PCDHGA3: variants seen among roughly 807,000 people sequenced by gnomAD.
The protein encoded by PCDHGA3 is protocadherin gamma subfamily A, 3.
PCDHGA3 carries 40 observed loss-of-function variants against 58.5 expected under a neutral mutation model. That is an observed-to-expected ratio of 0.68 (90% CI 0.53 to 0.89). PCDHGA3 has a LOEUF of 0.89. Ranked by LOEUF, PCDHGA3 falls within the 40% of genes least tolerant of loss-of-function variation. PCDHGA3 has a pLI of 0.00. For missense variants in PCDHGA3, 1,223 were observed against 1,195.9 expected (o/e 1.02, Z -0.33); for synonymous variants, 530 against 525.7 (o/e 1.01, Z -0.11).
intron 1 of PCDHGA3, chr5:141,385,485 A>T: frequency 2.8e-6 from 4 of 1,418,146 alleles, no homozygotes; most frequent in Non-Finnish European, 3.7e-6. Flanking sequence ...AATATAGAAC[A>T]CATAGGATAT....
chr5:141,496,747 A>T (rs13188028), intron 2 of PCDHGA3, among the ~76,000 whole-genome samples: 1 of 152,124 alleles, frequency 6.6e-6, no homozygotes, highest in Non-Finnish European at 1.5e-5. Context: ...CATTTATTCA[A>T]CAAATATTTA....
rs545147450 is a variant in PCDHGA3 at position 141,380,989 on chromosome 5, A to C, written c.2424+34532A>C. On this transcript the variant is annotated intron_variant, in intron 1 of 3. Transcript: ENST00000253812. ...TATTAAACAAATAGAATTTAACTCC[A>C]GTTTACAGAATTCATCTATAATACC... is the stretch of plus-strand genomic sequence containing the variant. Among the ~76,000 whole-genome samples, 4 of 152,258 alleles carry C rather than the reference A, an allele frequency of 2.6e-5. No homozygotes were observed. In the South Asian group the frequency reaches 8.3e-4, roughly 32 times the overall value.
rs766638463 is a variant in PCDHGA3 at position 141,476,525 on chromosome 5, A to G, written c.2425-18282A>G. ...CAACGACAACAATCCTGCTTTCCCT[A>G]CCCAGGAAATGAAATTGGAGATTAG... On this transcript the variant is annotated intron_variant, in intron 1 of 3. Transcript: ENST00000253812. This position sits in a 1 kb window ranked among gnomAD's most constrained non-coding sequence, Gnocchi z 7.6. 6 of 1,613,950 alleles carry G rather than the reference A, an allele frequency of 3.7e-6. No homozygotes were observed. The African/African-American group carries it at 6.7e-5, about 18-fold the overall frequency.
At chr5:141,364,988 C>A (rs1479313119) in intron 1 of PCDHGA3, 10 of 1,613,892 alleles carry the variant, frequency 6.2e-6, no homozygotes, top group East Asian at 4.5e-5. Context: ...TGGCGGAGAC[C>A]CGGTACTCTC....
At position 141,362,242 on chromosome 5, in the gene PCDHGA3, T is replaced by C. The variant is rs759010180; in HGVS notation, c.2424+15785T>C. 12 of 1,613,924 alleles carry C rather than the reference T, an allele frequency of 7.4e-6. No homozygotes were observed. The South Asian group carries it at 8.8e-5, about 12-fold the overall frequency. On this transcript the variant is annotated intron_variant, in intron 1 of 3. Transcript: ENST00000253812. ...GGCCTTGGCCTTGATCTCAGTGCTC[T>C]TCTTCCTCGCGGTGATTCTGGCAAT... is the stretch of plus-strand genomic sequence containing the variant.
rs2099606506 is a variant in PCDHGA3 at position 141,485,072 on chromosome 5, G to A, written c.2425-9735G>A. ...CCGGCCGAACCGCGCCAGAGCTGGC[G>A]CGGGGAAAGGGAGATAGGTGTCTCC... On this transcript the variant is annotated intron_variant, in intron 1 of 3. Transcript: ENST00000253812. This position sits in a 1 kb window ranked among gnomAD's most constrained non-coding sequence, Gnocchi z 5.7. 2 of 916,892 alleles carry A rather than the reference G, an allele frequency of 2.2e-6. No homozygotes were observed. The highest frequency in any genetic ancestry group is 3.4e-6 in the Non-Finnish European group (2 of 587,886). The allele number at this position is 916,892 out of a possible 1,614,324, so 56.8% of individuals were successfully genotyped here.
Position 141,427,553 on chromosome 5 carries a change from TG to T in PCDHGA3, c.2425-67253del, listed in dbSNP as rs201716174. ...AGTACAACGTCACCATCACTGCCAC[TG>T]ACAAGGGCAAGCCTCCGCTCTCATC... On this transcript the variant is annotated intron_variant, in intron 1 of 3. Transcript: ENST00000253812. 2.7e-3 allele frequency: 1,760 copies of T among 646,124 alleles called. 23 individuals are homozygous for T. In the African/African-American group the frequency reaches 0.028, roughly 10 times the overall value. 40.0% of individuals were successfully genotyped at this position (646,124 alleles called of 1,614,324 possible).
chr5:141,441,789 A>G (rs889545483), intron 1 of PCDHGA3: 4 of 391,886 alleles, frequency 1.0e-5, no homozygotes, highest in Middle Eastern at 6.4e-4. Context: ...CCTGAATGAC[A>G]ACGCACCGCG....
chr5:141,405,359 G>A, intron 1 of PCDHGA3: 2 of 1,614,018 alleles, frequency 1.2e-6, no homozygotes, highest in Non-Finnish European at 1.7e-6. Context: ...TCCTATAGAA[G>A]ACACCCCTTT....
At chr5:141,360,116 G>C (rs1286160130) in intron 1 of PCDHGA3, 1 of 1,570,542 alleles carries the variant, frequency 6.4e-7, no homozygotes, top group Non-Finnish European at 8.6e-7. Flanking sequence ...TATGGGCAAA[G>C]GAGCAAAGGG....
In PCDHGA3 at chr5:141,431,710, G is replaced by A. The variant is rs1249423969; in HGVS notation, c.2425-63097G>A. On this transcript the variant is annotated intron_variant, in intron 1 of 3. Coordinates refer to ENST00000253812, the MANE Select transcript of PCDHGA3 (RefSeq NM_018916.4). The surrounding 1 kb of genome is among the most constrained non-coding windows in gnomAD (Gnocchi z 4.8). ...ACGAGGAGTCAGGATTCTACCAGAT[G>A]GAAGTGCAAGCAATGGATAATGCAG... is the stretch of plus-strand genomic sequence containing the variant. 3.1e-6 allele frequency: 5 copies of A among 1,614,116 alleles called. No individual in the cohort carries two copies. Among genetic ancestry groups the A allele is most frequent in the South Asian group, 1.1e-5 (1 of 91,088 alleles).
intron 1 of PCDHGA3, chr5:141,385,153 A>T: frequency 6.2e-7 from 1 of 1,614,128 alleles, no homozygotes; most frequent in South Asian, 1.1e-5. Flanking sequence ...TTTCCTGCAG[A>T]CCTATTCCCA....
chr5:141,375,826 C>T (rs1771941269), intron 1 of PCDHGA3: 2 of 1,614,166 alleles, frequency 1.2e-6, no homozygotes, highest in South Asian at 1.1e-5. Context: ...CGCCCCGCTC[C>T]GCAGAGCCCG....
intron 1 of PCDHGA3, chr5:141,405,078 T>G: frequency 6.2e-7 from 1 of 1,613,888 alleles, no homozygotes; most frequent in Non-Finnish European, 8.5e-7. Flanking sequence ...ACCTTCGTTA[T>G]CACGCTGCTG....
intron 1 of PCDHGA3, chr5:141,429,276 T>C (rs748800169): frequency 6.6e-5 from 10 of 152,228 alleles, no homozygotes; most frequent in Non-Finnish European, 1.2e-4. Flanking sequence ...TTTTTTCCTG[T>C]GATGTTTCTT....
At chr5:141,374,350 G>C (rs2150038987) in intron 1 of PCDHGA3, 1 of 1,614,038 alleles carries the variant, frequency 6.2e-7, no homozygotes, top group Non-Finnish European at 8.5e-7. Context: ...CCGCGGGTAG[G>C]ATAGACCGCG....
At chr5:141,355,932 G>A (rs139771811) in intron 1 of PCDHGA3, 13 of 1,613,772 alleles carry the variant, frequency 8.1e-6, no homozygotes, top group Non-Finnish European at 1.0e-5. Flanking sequence ...TGTTCACTCA[G>A]CCCGAGTACC....
At chr5:141,367,886 C>T (rs976689634) in intron 1 of PCDHGA3, 1 of 151,934 alleles carries the variant, frequency 6.6e-6, no homozygotes, top group Non-Finnish European at 1.5e-5. Context: ...TTCTTTATTA[C>T]TTGAGTTTAA....
chr5:141,399,867 C>T (rs766258677), intron 1 of PCDHGA3: 17 of 1,612,738 alleles, frequency 1.1e-5, no homozygotes, highest in South Asian at 3.3e-5. Context: ...CTGCAGAGCC[C>T]GGCTACCTGG....
Sources: allele counts gnomAD v4.1 joint callset (sites outside exome capture counted in the v4.1 genomes callset), GRCh38; gene constraint gnomAD v4.1.1; non-coding constraint Gnocchi (gnomAD v3.1); transcripts MANE v1.5; gene names NCBI Gene and HGNC (gene_info 2026-07-23, HGNC 2026-07-21).